LRRC37A2: variants seen among roughly 807,000 people sequenced by gnomAD.
The protein encoded by LRRC37A2 is leucine-rich repeat-containing protein 37A2.
LRRC37A2 carries 9 observed loss-of-function variants against 68.8 expected under a neutral mutation model. The ratio of observed to expected loss-of-function variants is 0.13; its 90% CI spans 0.08 to 0.23. The LOEUF is 0.23. Ranked by LOEUF, LRRC37A2 falls within the 10% of genes least tolerant of loss-of-function variation. LRRC37A2 has a pLI of 1.00. For missense variants in LRRC37A2, 168 were observed against 950.4 expected, an observed-to-expected ratio of 0.18 and a Z score of 10.82; for synonymous variants, 63 against 367.6, an observed-to-expected ratio of 0.17 and a Z score of 9.48.
chr17:46,781,789 C>T, the LRRC37A2 span, among the ~76,000 whole-genome samples: 180 of 152,276 alleles, frequency 1.2e-3, no homozygotes, highest in African/African-American at 4.1e-3. Flanking sequence ...GCATCTAGAG[C>T]CCCTGTGCAG....
At chr17:46,937,684 C>T in the LRRC37A2 span, 2 of 152,186 alleles carry the variant, frequency 1.3e-5, no homozygotes, top group African/African-American at 4.8e-5. Context: ...GGTATTCATG[C>T]TACTCTTTTC....
At chr17:46,938,498 A>G in the LRRC37A2 span, 1 of 1,585,124 alleles carries the variant, frequency 6.3e-7, no homozygotes, top group Non-Finnish European at 8.6e-7. Context: ...GGCATGACCA[A>G]GAGAATGTCT....
At chr17:46,998,362 A>G in the LRRC37A2 span, among the ~76,000 whole-genome samples, 1 of 152,050 alleles carries the variant, frequency 6.6e-6, no homozygotes, top group Non-Finnish European at 1.5e-5. Context: ...TGGTTTTCCC[A>G]TTTATGAAGT....
At chr17:46,849,753 T>C in the LRRC37A2 span, among the ~76,000 whole-genome samples, 156 of 152,204 alleles carry the variant, frequency 1.0e-3, 1 homozygote, top group East Asian at 0.027. Context: ...TCAACCCTCC[T>C]TGAGAACCAG....
At chr17:46,728,423 A>T in the LRRC37A2 span, among the ~76,000 whole-genome samples, 1 of 152,200 alleles carries the variant, frequency 6.6e-6, no homozygotes, top group South Asian at 2.1e-4. Flanking sequence ...CCCAGAAAAA[A>T]CATCTACATG....
At chr17:46,739,993 A>G in the LRRC37A2 span, among the ~76,000 whole-genome samples, 1 of 152,096 alleles carries the variant, frequency 6.6e-6, no homozygotes, top group African/African-American at 2.4e-5. Flanking sequence ...GCCTGATTTT[A>G]AAAGAAATTA....
chr17:47,000,754 G>A, the LRRC37A2 span, among the ~76,000 whole-genome samples: 1 of 152,190 alleles, frequency 6.6e-6, no homozygotes, highest in East Asian at 1.9e-4. Context: ...GGCAAGGTGG[G>A]AGGCCTTCCA....
the LRRC37A2 span, among the ~76,000 whole-genome samples, chr17:46,902,935 G>C: frequency 6.6e-6 from 1 of 152,180 alleles, no homozygotes; most frequent in Non-Finnish European, 1.5e-5. Context: ...GCCAATGACA[G>C]TTGAAGGGAA....
At chr17:46,780,195 G>C in the LRRC37A2 span, among the ~76,000 whole-genome samples, 1 of 152,232 alleles carries the variant, frequency 6.6e-6, no homozygotes, top group Non-Finnish European at 1.5e-5. Flanking sequence ...TGACACTGGG[G>C]TTGTTGGCCT....
At chr17:46,884,844 C>T in the LRRC37A2 span, among the ~76,000 whole-genome samples, 1 of 152,074 alleles carries the variant, frequency 6.6e-6, no homozygotes, top group African/African-American at 2.4e-5. Flanking sequence ...AGGGAGAGGC[C>T]GTGGAGCTGG....
At chr17:47,018,085 C>T in the LRRC37A2 span, 20,052 of 1,519,120 alleles carry the variant, frequency 0.013, 179 homozygotes, top group Middle Eastern at 0.021. Flanking sequence ...CCCAACATTA[C>T]AGTTAAACCT....
At chr17:46,890,100 C>T in the LRRC37A2 span, among the ~76,000 whole-genome samples, 3 of 152,206 alleles carry the variant, frequency 2.0e-5, no homozygotes, top group Admixed American at 1.3e-4. Context: ...CTTGGGTCTG[C>T]TCTATGTCTT....
chr17:46,803,323 C>T, the LRRC37A2 span, among the ~76,000 whole-genome samples: 7 of 152,346 alleles, frequency 4.6e-5, no homozygotes, highest in Admixed American at 2.6e-4. Context: ...CACCTGAGCT[C>T]AGGAGTTTGA....
At chr17:46,729,215 A>G in the LRRC37A2 span, among the ~76,000 whole-genome samples, 1 of 152,158 alleles carries the variant, frequency 6.6e-6, no homozygotes, top group African/African-American at 2.4e-5. Flanking sequence ...CCACCATATT[A>G]CATATCCCTA....
At chr17:46,873,205 G>A in the LRRC37A2 span, among the ~76,000 whole-genome samples, 2 of 151,986 alleles carry the variant, frequency 1.3e-5, no homozygotes, top group African/African-American at 4.8e-5. Context: ...GCCAGGCGAT[G>A]CATTTGTTCA....
the LRRC37A2 span, among the ~76,000 whole-genome samples, chr17:46,810,632 G>A: frequency 2.6e-5 from 4 of 152,136 alleles, no homozygotes; most frequent in Admixed American, 1.3e-4. Context: ...ACAGCTCTTT[G>A]TGTGTAGAGT....
the LRRC37A2 span, chr17:46,876,638 C>T: frequency 6.2e-7 from 1 of 1,610,022 alleles, no homozygotes; most frequent in East Asian, 2.2e-5. Context: ...CTTCTCCTGC[C>T]ACTGCCAGGT....
chr17:46,467,445 G>T, the LRRC37A2 span, among the ~76,000 whole-genome samples: 2 of 92,930 alleles, frequency 2.2e-5, 1 homozygote, highest in Non-Finnish European at 4.5e-5. Context: ...AGATACTGAG[G>T]ATTAAACACT....
the LRRC37A2 span, among the ~76,000 whole-genome samples, chr17:46,746,461 A>G: frequency 9.2e-5 from 14 of 152,190 alleles, no homozygotes; most frequent in African/African-American, 3.4e-4. Flanking sequence ...ACCAAACCCA[A>G]ATTGAAATTA....
Sources: gnomAD v4.1 joint callset for allele counts (sites outside exome capture counted in the v4.1 genomes callset) on GRCh38, gnomAD v4.1.1 for gene constraint, MANE v1.5 for transcripts, NCBI Gene and HGNC (gene_info 2026-07-23, HGNC 2026-07-21) for gene names.